Variants in LY75 observed in about 807,000 individuals in gnomAD.
LY75 encodes C-type lectin domain family 13 member B.
LY75 carries 185 observed loss-of-function variants against 231.7 expected under a neutral mutation model. That is an observed-to-expected ratio of 0.80 (90% CI 0.71 to 0.90). The LOEUF is 0.90. Among genes scored for constraint, LY75 ranks in the 40% least tolerant of loss-of-function variants. LY75 has a pLI of 0.00. For missense variants in LY75, 1,947 were observed against 2,050.2 expected (o/e 0.95, Z 0.97); for synonymous variants, 668 against 689.0 (o/e 0.97, Z 0.48).
intron 12 of LY75, among the ~76,000 whole-genome samples, chr2:159,873,706 T>TATATATACATATAATAAAAATACACATAA: frequency 6.7e-6 from 1 of 149,062 alleles, no homozygotes; most frequent in Admixed American, 6.7e-5. Flanking sequence ...TATATATAAA[T>TATATATACATATAATAAAAATACACATAA]ATATATACAT....
intron 32 of LY75, among the ~76,000 whole-genome samples, chr2:159,809,718 C>G (rs1282838837): frequency 2.0e-5 from 3 of 151,610 alleles, no homozygotes; most frequent in Non-Finnish European, 4.4e-5. Flanking sequence ...TGCTCTGTCG[C>G]CCAGGCTGGA....
intron 3 of LY75, among the ~76,000 whole-genome samples, chr2:159,890,922 A>G (rs1239163464): frequency 1.3e-5 from 2 of 152,230 alleles, no homozygotes; most frequent in African/African-American, 2.4e-5. Context: ...CACATTACAT[A>G]TGCATTATAT....
chr2:159,888,702 C>G (rs2125881017), intron 4 of LY75, among the ~76,000 whole-genome samples: 1 of 152,242 alleles, frequency 6.6e-6, no homozygotes, highest in East Asian at 1.9e-4. Flanking sequence ...AAGTGAAAAA[C>G]AACCCATGAG....
chr2:159,804,823 A>G lies in LY75; in HGVS notation c.*221T>C, dbSNP rs79887603. 2.2e-4 allele frequency: 82 copies of G among 380,236 alleles called. No homozygotes were observed. Among genetic ancestry groups the G allele is most frequent in the African/African-American group, 1.5e-3 (76 of 49,708 alleles). 23.6% of individuals were successfully genotyped at this position (380,236 alleles called of 1,614,324 possible). A position where few individuals can be genotyped will look rare whatever the true frequency, so the allele number is the denominator to read the frequency against. ...TTACTGTACAAACAATTTGGACTTC[A>G]GTTCCAGCTTTGGAGTCCCCTCCAT... On this transcript the variant is annotated 3_prime_UTR_variant, in exon 35 of 35. Coordinates refer to ENST00000263636, the MANE Select transcript of LY75 (RefSeq NM_002349.4).
intron 13 of LY75, 67 bp from the exon 14 acceptor site, chr2:159,864,987 C>A: frequency 7.2e-7 from 1 of 1,397,794 alleles, no homozygotes; most frequent in Non-Finnish European, 9.7e-7. Context: ...ACTCACATGT[C>A]TAATGTGCAT....
chr2:159,810,611 C>T lies in LY75; in HGVS notation c.4614G>A (p.Arg1538=), dbSNP rs568947891. 32 of 1,614,102 alleles carry T rather than the reference C, an allele frequency of 2.0e-5. No individual in the cohort carries two copies. In the African/African-American group the frequency reaches 3.7e-4, roughly 19 times the overall value. The change falls in exon 32 of 35, where the codon CGG becomes CGA. Residue 1538 remains arginine, a synonymous_variant. Transcript: ENST00000263636. ...RCPAAKENGS[R]WIQYKGHCYK... ...AACAGTGACCCTTGTACTGGATCCACCGTGACCCATTCTCTTTTGCTGCTG... is the reference window on the plus strand; with the variant it reads ...AACAGTGACCCTTGTACTGGATCCATCGTGACCCATTCTCTTTTGCTGCTG...
At chr2:159,894,166 T>TA in intron 2 of LY75, 82 bp from the exon 3 acceptor site, 1 of 1,465,830 alleles carries the variant, frequency 6.8e-7, no homozygotes. Context: ...AAACTGTTTT[T>TA]AAAAGAAACG....
At chr2:159,881,817 T>C (rs1685444370) in intron 7 of LY75, among the ~76,000 whole-genome samples, 1 of 152,194 alleles carries the variant, frequency 6.6e-6, no homozygotes, top group African/African-American at 2.4e-5. Flanking sequence ...AATCAATCAA[T>C]GGCAGTACTG....
At chr2:159,858,258 T>A (rs1324438306) in intron 16 of LY75, 104 bp downstream of exon 16, 3 of 1,409,248 alleles carry the variant, frequency 2.1e-6, no homozygotes. Context: ...TCATAGGCTT[T>A]TAGACATCAG....
intron 30 of LY75, 129 bp from the exon 31 acceptor site, chr2:159,815,702 C>A: frequency 9.0e-7 from 1 of 1,112,430 alleles, no homozygotes; most frequent in Non-Finnish European, 1.2e-6. Flanking sequence ...TATTGTAGGT[C>A]TGAACCTACT....
chr2:159,838,975 TAGTAGA>T lies in LY75; in HGVS notation c.3507+1748_3507+1753del, dbSNP rs571869905. 1.7e-4 allele frequency among the ~76,000 whole-genome samples: 26 copies of T among 152,154 alleles called. No individual in the cohort carries two copies. In the East Asian group the frequency reaches 5.0e-3, roughly 29 times the overall value. The stretch of plus-strand genomic sequence containing the variant: ...GATACCCAGCTAATTTTTGTATTTT[TAGTAGA>T]GACAGGGTTTCACCATGTTGGCCAG... On this transcript the variant is annotated intron_variant, in intron 25 of 34. Transcript: ENST00000263636.
intron 24 of LY75, among the ~76,000 whole-genome samples, chr2:159,841,998 T>C (rs1480415521): frequency 2.0e-5 from 3 of 152,128 alleles, no homozygotes; most frequent in African/African-American, 2.4e-5. Context: ...TTAAGCCATA[T>C]GATTATAAAT....
chr2:159,835,616 C>T lies in LY75; in HGVS notation c.3537G>A (p.Gly1179=), dbSNP rs1683796023. The change falls in exon 26 of 35, where the codon GGG becomes GGA. Residue 1179 remains glycine, a synonymous_variant. Transcript: ENST00000263636. The part of the protein sequence containing the change: ...DDELNFGWSD[G]KRLHFSRWAE... ...CCCAGCGACTAAAATGAAGACGTTTCCCATCTGACCAACCAAAGTTGAGTT... is the reference window on the plus strand; with the variant it reads ...CCCAGCGACTAAAATGAAGACGTTTTCCATCTGACCAACCAAAGTTGAGTT... 1 of 1,613,604 alleles carries T rather than the reference C, an allele frequency of 6.2e-7. No homozygotes were observed. The highest frequency in any genetic ancestry group is 1.3e-5 in the African/African-American group (1 of 74,898).
chr2:159,839,739 C>T (rs1683944080), intron 25 of LY75, among the ~76,000 whole-genome samples: 1 of 152,078 alleles, frequency 6.6e-6, no homozygotes, highest in Non-Finnish European at 1.5e-5. Context: ...GTCGTGGTGG[C>T]TCACACCTCT....
intron 31 of LY75, chr2:159,812,407 ATTTTGG>A (rs1371592461): frequency 1.3e-5 from 2 of 150,578 alleles, no homozygotes; most frequent in African/African-American, 4.9e-5. Context: ...CATCTTAACC[ATTTTGG>A]TTTTGTTTTG....
rs1685242896 is a variant in LY75, at chr2:159,875,585, C to T, written c.1833G>A (p.Val611=). The change falls in exon 12 of 35, where the codon GTG becomes GTA. Residue 611 remains valine (V), a synonymous_variant. Coordinates refer to ENST00000263636, the MANE Select transcript of LY75 (RefSeq NM_002349.4). ...STGKSVGKWE[V]KDCRSFKALS... ...GTGCTTTGAAGCTTCTGCAGTCCTT[C>T]ACCTCCCACTTTCCAACAGACTTTC... 1.2e-6 allele frequency: 2 copies of T among 1,614,078 alleles called. No individual in the cohort carries two copies. Among genetic ancestry groups the T allele is most frequent in the Non-Finnish European group, 1.7e-6 (2 of 1,180,006 alleles).
rs1682755680 is a variant in LY75 at position 159,805,186 on chromosome 2, G to A, written c.5027C>T (p.Thr1676Ile). ...DYTAIAIIVA[T>I]LSILVLMGGL... ...GCCCATGAGAACTAAGATACTTAGTGTGGCAACTATGATAGCTATTGCTGT... is the reference window on the plus strand; with the variant it reads ...GCCCATGAGAACTAAGATACTTAGTATGGCAACTATGATAGCTATTGCTGT... The change falls in exon 35 of 35, where the codon ACA (threonine) becomes ATA (isoleucine). Residue 1676 changes from threonine (T) to isoleucine (I), a missense_variant. Thr to Ile is a moderately conservative substitution (Grantham distance 89). Transcript: ENST00000263636. 6.2e-7 allele frequency: 1 copy of A among 1,614,122 alleles called. No homozygotes were observed. The highest frequency in any genetic ancestry group is 1.3e-5 in the African/African-American group (1 of 75,058).
At chr2:159,807,885 A>C (rs1484243309) in intron 33 of LY75, 1 of 985,176 alleles carries the variant, frequency 1.0e-6, no homozygotes. Context: ...ATTTTCTTTG[A>C]ATCAATTATC....
At chr2:159,841,908 A>G (rs1347350582) in intron 24 of LY75, among the ~76,000 whole-genome samples, 1 of 152,122 alleles carries the variant, frequency 6.6e-6, no homozygotes, top group East Asian at 1.9e-4. Context: ...TAATTATGGC[A>G]ATGATCCTTT....
Sources: gnomAD v4.1 joint callset for allele counts (sites outside exome capture counted in the v4.1 genomes callset) on GRCh38, gnomAD v4.1.1 for gene constraint, MANE v1.5 for transcripts, NCBI Gene and HGNC (gene_info 2026-07-23, HGNC 2026-07-21) for gene names.